Variants in FOXP1 observed in about 807,000 individuals in gnomAD.
FOXP1 encodes the protein forkhead box protein P1.
In FOXP1, 15 loss-of-function variants were observed where a neutral mutation model predicts 98.2. The observed-to-expected ratio is 0.15, with a 90% CI of 0.10 to 0.24. The LOEUF (loss-of-function observed/expected upper bound fraction) is 0.24. Among genes scored for constraint, FOXP1 ranks in the 10% least tolerant of loss-of-function variants. The probability of loss-of-function intolerance (pLI) is 1.00; values close to 1 mark genes in which losing one functional copy is unlikely to be tolerated. For missense variants in FOXP1, 633 were observed against 848.5 expected, an observed-to-expected ratio of 0.75 and a Z score of 3.15; for synonymous variants, 371 against 314.5, an observed-to-expected ratio of 1.18 and a Z score of -1.90.
chr3:71,307,722 T>C (rs185325433), intron 4 of FOXP1, among the ~76,000 whole-genome samples: 2 of 152,328 alleles, frequency 1.3e-5, no homozygotes, highest in Admixed American at 1.3e-4. Flanking sequence ...TTTGGCAGTT[T>C]TGAGGGTAGT....
intron 7 of FOXP1, among the ~76,000 whole-genome samples, chr3:71,109,891 C>T (rs922888915): frequency 9.2e-5 from 14 of 152,150 alleles, no homozygotes; most frequent in Non-Finnish European, 1.9e-4. Context: ...TTTATTTCCC[C>T]CGGCCAAATC....
chr3:71,185,643 T>C (rs1378408800), intron 6 of FOXP1, among the ~76,000 whole-genome samples: 1 of 152,166 alleles, frequency 6.6e-6, no homozygotes, highest in Non-Finnish European at 1.5e-5. Context: ...TGCTACAGTA[T>C]GGTATAAGAA....
At chr3:71,138,895 C>G (rs963939915) in intron 6 of FOXP1, among the ~76,000 whole-genome samples, 1 of 151,842 alleles carries the variant, frequency 6.6e-6, no homozygotes, top group Non-Finnish European at 1.5e-5. Flanking sequence ...GGAAAAACTG[C>G]CTCTGCAATA....
At chr3:71,275,171 T>C (rs1429128985) in intron 5 of FOXP1, among the ~76,000 whole-genome samples, 1 of 152,230 alleles carries the variant, frequency 6.6e-6, no homozygotes, top group Admixed American at 6.5e-5. Flanking sequence ...TTTACCCACT[T>C]GGTCACTTAA....
chr3:71,558,227 T>C (rs1184938319), intron 2 of FOXP1, among the ~76,000 whole-genome samples: 2 of 152,126 alleles, frequency 1.3e-5, no homozygotes, highest in African/African-American at 4.8e-5. Context: ...CCAGCCTCCC[T>C]TCCTATCTTC....
intron 2 of FOXP1, among the ~76,000 whole-genome samples, chr3:71,560,327 C>A (rs1350806950): frequency 6.6e-6 from 1 of 152,192 alleles, no homozygotes; most frequent in Admixed American, 6.5e-5. Context: ...CTAGAAAGAA[C>A]CTGGCTCACA....
intron 6 of FOXP1, among the ~76,000 whole-genome samples, chr3:71,139,882 T>C (rs531369165): frequency 3.7e-4 from 56 of 152,234 alleles, no homozygotes; most frequent in Non-Finnish European, 7.1e-4. Flanking sequence ...GCAGCCACAA[T>C]AAAATGCTAA....
At chr3:71,143,079 A>G (rs1481897491) in intron 6 of FOXP1, among the ~76,000 whole-genome samples, 3 of 152,158 alleles carry the variant, frequency 2.0e-5, no homozygotes, top group African/African-American at 7.2e-5. Flanking sequence ...TCATCTGCAA[A>G]AAGTTGGCAA....
At chr3:71,515,589 C>T (rs1320346627) in intron 2 of FOXP1, among the ~76,000 whole-genome samples, 2 of 151,916 alleles carry the variant, frequency 1.3e-5, no homozygotes, top group African/African-American at 4.8e-5. Context: ...CAGAGCCAAT[C>T]TAACATTACT....
At chr3:71,254,077 C>G (rs2107098491) in intron 5 of FOXP1, among the ~76,000 whole-genome samples, 1 of 152,316 alleles carries the variant, frequency 6.6e-6, no homozygotes, top group Admixed American at 6.5e-5. Context: ...AGTTAATAAT[C>G]TGTCAACCAC....
Position 70,979,301 on chromosome 3 carries a change from A to G in FOXP1, c.1147-1272T>C, listed in dbSNP as rs936282583. On this transcript the variant is annotated intron_variant, in intron 14 of 20. Transcript: ENST00000649528. ...CCTCAAAAAAAAAAAAAAAAAAAAA[A>G]AAAAAAAAAAAAAAAAAAAGAAAAA... 1.3e-4 allele frequency among the ~76,000 whole-genome samples: 19 copies of G among 141,330 alleles called. 1 individual carries two copies. The highest frequency in any genetic ancestry group is 4.5e-4 in the South Asian group (2 of 4,476). 92.7% of individuals were successfully genotyped at this position (141,330 alleles called of 152,430 possible).
intron 7 of FOXP1, among the ~76,000 whole-genome samples, chr3:71,088,317 C>A (rs777698718): frequency 2.0e-5 from 3 of 152,230 alleles, no homozygotes; most frequent in Non-Finnish European, 2.9e-5. Flanking sequence ...ACTGTCATCA[C>A]CACGGTGTTT....
chr3:71,426,540 G>A (rs574495086), intron 3 of FOXP1, among the ~76,000 whole-genome samples: 2 of 152,300 alleles, frequency 1.3e-5, no homozygotes, highest in African/African-American at 4.8e-5. Context: ...GATAAAGGGA[G>A]GGTTACTGTG....
At chr3:71,256,328 T>C (rs538499034) in intron 5 of FOXP1, among the ~76,000 whole-genome samples, 31 of 152,332 alleles carry the variant, frequency 2.0e-4, no homozygotes, top group African/African-American at 6.3e-4. Context: ...CAGGGGTTTG[T>C]TGAATTTGGT....
intron 2 of FOXP1, among the ~76,000 whole-genome samples, chr3:71,525,538 C>T (rs908982744): frequency 6.6e-6 from 1 of 152,206 alleles, no homozygotes; most frequent in African/African-American, 2.4e-5. Context: ...TCTCATAGAT[C>T]ACCACCTTTG....
In FOXP1 at chr3:71,267,978, A is replaced by C. The variant is rs572163162; in HGVS notation, c.-12+31842T>G. 2.0e-3 allele frequency among the ~76,000 whole-genome samples: 296 copies of C among 147,774 alleles called. No homozygotes were observed. The Middle Eastern group carries it at 0.057, about 29-fold the overall frequency. On this transcript the variant is annotated intron_variant, in intron 5 of 20. Transcript: ENST00000649528. The stretch of plus-strand genomic sequence containing the variant: ...GGTTGCAGTGAGCTGAGATCACAGC[A>C]CTGTACCCTAGCCTGGGCGACAAAG...
At chr3:71,381,437 CT>C (rs1171799165) in intron 3 of FOXP1, among the ~76,000 whole-genome samples, 18,488 of 77,520 alleles carry the variant, frequency 0.24, 908 homozygotes, top group African/African-American at 0.36. Context: ...TGCGCCTGGC[CT>C]TTTTTTTTTT....
chr3:71,447,182 C>T (rs2086526518), intron 3 of FOXP1, among the ~76,000 whole-genome samples: 1 of 152,226 alleles, frequency 6.6e-6, no homozygotes, highest in South Asian at 2.1e-4. Context: ...ATTTAGAATA[C>T]CATACAAGTT....
At chr3:71,115,719 C>A (rs2058322495) in intron 6 of FOXP1, among the ~76,000 whole-genome samples, 1 of 147,448 alleles carries the variant, frequency 6.8e-6, no homozygotes, top group Admixed American at 7.0e-5. Context: ...AACATTCACA[C>A]ATACACACAA....
Sources: gnomAD v4.1 joint callset for allele counts (sites outside exome capture counted in the v4.1 genomes callset) on GRCh38, gnomAD v4.1.1 for gene constraint, MANE v1.5 for transcripts, NCBI Gene and HGNC (gene_info 2026-07-23, HGNC 2026-07-21) for gene names.